SIPA1L2: variants seen among roughly 807,000 people sequenced by gnomAD.
SIPA1L2 encodes the protein signal-induced proliferation-associated 1-like protein 2.
A neutral mutation model predicts 163.9 loss-of-function variants in SIPA1L2; 56 were observed. The observed-to-expected ratio is 0.34, with a 90% CI of 0.28 to 0.43. SIPA1L2 has a LOEUF of 0.43. SIPA1L2 is among the 20% of genes least tolerant of loss of function. SIPA1L2 has a pLI of 1.00. For missense variants in SIPA1L2, 1,974 were observed against 2,193.5 expected (o/e 0.90, Z 2.00); for synonymous variants, 877 against 865.7 (o/e 1.01, Z -0.23).
intron 6 of SIPA1L2, among the ~76,000 whole-genome samples, chr1:232,481,896 C>T (rs1665377757): frequency 6.6e-6 from 1 of 152,170 alleles, no homozygotes; most frequent in Non-Finnish European, 1.5e-5. Context: ...CAGATTTGAC[C>T]TAAGTCTTCT....
At chr1:232,404,664 G>A (rs1366280974) in intron 19 of SIPA1L2, among the ~76,000 whole-genome samples, 2 of 152,138 alleles carry the variant, frequency 1.3e-5, no homozygotes, top group Non-Finnish European at 2.9e-5. Flanking sequence ...TTAAGAGGTC[G>A]GAAGGAAAGG....
intron 17 of SIPA1L2, 34 bp from the exon 18 acceptor site, chr1:232,425,842 A>C: frequency 6.3e-7 from 1 of 1,585,620 alleles, no homozygotes; most frequent in South Asian, 1.1e-5. Flanking sequence ...GAGGGAACAG[A>C]CATTAAAAAA....
intron 5 of SIPA1L2, 93 bp downstream of exon 5, chr1:232,490,781 T>G: frequency 7.8e-7 from 1 of 1,286,684 alleles, no homozygotes; most frequent in South Asian, 1.5e-5. Flanking sequence ...TTAAAATAAA[T>G]GATCTTACAA....
intron 7 of SIPA1L2, among the ~76,000 whole-genome samples, chr1:232,476,480 T>TA (rs1410429499): frequency 6.6e-6 from 1 of 152,158 alleles, no homozygotes; most frequent in Non-Finnish European, 1.5e-5. Context: ...AGTTTAAAGC[T>TA]AATTTGTGAA....
intron 10 of SIPA1L2, among the ~76,000 whole-genome samples, chr1:232,453,627 A>T (rs1663715799): frequency 6.6e-6 from 1 of 151,926 alleles, no homozygotes; most frequent in South Asian, 2.1e-4. Flanking sequence ...GAAAATCTCC[A>T]TTTTTTCAGA....
chr1:232,450,776 G>A (rs969464696), intron 10 of SIPA1L2, among the ~76,000 whole-genome samples: 2 of 152,208 alleles, frequency 1.3e-5, no homozygotes, highest in East Asian at 3.8e-4. Context: ...CCCATAGACT[G>A]TAGTCTTTAT....
rs1014973947 is a variant in SIPA1L2, at chr1:232,434,707, G to T, written c.4032-2236C>A. 6.6e-5 allele frequency among the ~76,000 whole-genome samples: 10 copies of T among 152,164 alleles called. 1 individual carries two copies. Among genetic ancestry groups the T allele is most frequent in the African/African-American group, 1.4e-4 (6 of 41,434 alleles). Reference sequence around the variant, plus strand: ...GACAACGAGCTCTGACGCCCTGTATGTTATTTTCCCAAGTGTATTTTGAAA... The same window carrying T: ...GACAACGAGCTCTGACGCCCTGTATTTTATTTTCCCAAGTGTATTTTGAAA... On this transcript the variant is annotated intron_variant, in intron 15 of 22. Transcript: ENST00000674635.
intron 2 of SIPA1L2, among the ~76,000 whole-genome samples, chr1:232,563,560 T>A (rs759684576): frequency 2.6e-5 from 4 of 152,220 alleles, no homozygotes; most frequent in Non-Finnish European, 5.9e-5. Context: ...GCTTTCAAGT[T>A]TCCCTTACAC....
intron 3 of SIPA1L2, among the ~76,000 whole-genome samples, chr1:232,510,107 T>A (rs921655636): frequency 6.6e-6 from 1 of 152,088 alleles, no homozygotes; most frequent in East Asian, 1.9e-4. Context: ...GGTGGTCCCA[T>A]AAAATCATGA....
intron 18 of SIPA1L2, among the ~76,000 whole-genome samples, chr1:232,424,148 A>G (rs775040077): frequency 1.3e-5 from 2 of 152,026 alleles, no homozygotes; most frequent in Non-Finnish European, 2.9e-5. Context: ...GGTGATAAGG[A>G]TCTGTCCACA....
chr1:232,598,412 A>G (rs1661398147), intron 1 of SIPA1L2, among the ~76,000 whole-genome samples: 1 of 152,152 alleles, frequency 6.6e-6, no homozygotes, highest in Admixed American at 6.5e-5. Flanking sequence ...CCTCTCTCTA[A>G]AAGAAAACCA....
At chr1:232,436,778 C>T (rs1163879232) in intron 15 of SIPA1L2, among the ~76,000 whole-genome samples, 1 of 152,198 alleles carries the variant, frequency 6.6e-6, no homozygotes, top group Non-Finnish European at 1.5e-5. Context: ...TCCTCCTCGC[C>T]TCCTGTGCAG....
chr1:232,579,161 C>A (rs1430881200), intron 1 of SIPA1L2, among the ~76,000 whole-genome samples: 2 of 152,110 alleles, frequency 1.3e-5, no homozygotes, highest in African/African-American at 4.8e-5. Flanking sequence ...GTTTTCTCCG[C>A]AAAAGAAAGT....
intron 4 of SIPA1L2, among the ~76,000 whole-genome samples, chr1:232,492,356 G>C (rs531103612): frequency 6.6e-6 from 1 of 152,158 alleles, no homozygotes; most frequent in South Asian, 2.1e-4. Context: ...TTTTTTAAGA[G>C]ATAGGGTCTT....
At chr1:232,564,086 T>C (rs1659218581) in intron 2 of SIPA1L2, among the ~76,000 whole-genome samples, 1 of 129,216 alleles carries the variant, frequency 7.7e-6, no homozygotes, top group South Asian at 2.4e-4. Context: ...CCACTGCTCC[T>C]GGCCAAGGAA....
chr1:232,595,477 G>A (rs1243773632), intron 1 of SIPA1L2, among the ~76,000 whole-genome samples: 1 of 152,180 alleles, frequency 6.6e-6, no homozygotes, highest in Non-Finnish European at 1.5e-5. Flanking sequence ...TGTCACTGCT[G>A]CACCGGGCGG....
chr1:232,605,608 C>T (rs1003448048), intron 1 of SIPA1L2, among the ~76,000 whole-genome samples: 10 of 152,070 alleles, frequency 6.6e-5, no homozygotes, highest in Non-Finnish European at 4.4e-5. Context: ...GCAGGAGAAT[C>T]GCTTGAACCT....
At chr1:232,498,501 C>T (rs1013859765) in intron 3 of SIPA1L2, among the ~76,000 whole-genome samples, 2 of 152,230 alleles carry the variant, frequency 1.3e-5, no homozygotes, top group African/African-American at 4.8e-5. Context: ...CTGCACACAG[C>T]TCTGGAGCTC....
At position 232,440,704 on chromosome 1, in the gene SIPA1L2, G is replaced by C. The variant is rs1386392849; in HGVS notation, c.3642+587C>G. Among the ~76,000 whole-genome samples, 3 of 152,312 alleles carry C rather than the reference G, an allele frequency of 2.0e-5. No homozygotes were observed. In the East Asian group the frequency reaches 5.8e-4, roughly 29 times the overall value. On this transcript the variant is annotated intron_variant, in intron 14 of 22. Transcript: ENST00000674635. ...CCACTTTAAAATGTTGGCTTTATTTGTAATAACCAACAATTCCTGTTTCTG... is the reference window on the plus strand; with the variant it reads ...CCACTTTAAAATGTTGGCTTTATTTCTAATAACCAACAATTCCTGTTTCTG...
Sources: gnomAD v4.1 joint callset for allele counts (sites outside exome capture counted in the v4.1 genomes callset) on GRCh38, gnomAD v4.1.1 for gene constraint, MANE v1.5 for transcripts, NCBI Gene and HGNC (gene_info 2026-07-23, HGNC 2026-07-21) for gene names.